Variants in MIIP observed in about 807,000 individuals in gnomAD.
MIIP encodes migration and invasion-inhibitory protein.
A neutral mutation model predicts 44.8 loss-of-function variants in MIIP; 44 were observed. The observed-to-expected ratio is 0.98, with a 90% confidence interval of 0.77 to 1.26. The LOEUF (loss-of-function observed/expected upper bound fraction) is 1.26, where lower values mean the gene tolerates loss of function less well. MIIP is among the 50% of genes most tolerant of loss of function. The pLI is 0.00. For synonymous variants in MIIP, 225 were observed against 218.3 expected (o/e 1.03, Z -0.27); for missense variants, 496 against 511.7 (o/e 0.97, Z 0.30).
chr1:12,025,890 G>T (rs948756169), intron 4 of MIIP, among the ~76,000 whole-genome samples: 1 of 151,848 alleles, frequency 6.6e-6, no homozygotes, highest in Non-Finnish European at 1.5e-5. Context: ...TAGAGACGGG[G>T]TTTCACCATG....
At chr1:12,024,338 C>A (rs543205061) in intron 4 of MIIP, among the ~76,000 whole-genome samples, 1 of 152,306 alleles carries the variant, frequency 6.6e-6, no homozygotes, top group African/African-American at 2.4e-5. Flanking sequence ...TGGCTGGTTT[C>A]CCCCTGGCCT....
chr1:12,020,477 TTAAG>T (rs1433239700), intron 1 of MIIP, among the ~76,000 whole-genome samples: 6 of 152,226 alleles, frequency 3.9e-5, no homozygotes, highest in African/African-American at 9.6e-5. Context: ...AAGCACTGTA[TTAAG>T]TAAGCACTGT....
Position 12,022,301 on chromosome 1 carries a change from C to T in MIIP, c.321C>T (p.Gly107=). The T allele has an allele frequency of 6.2e-7, 1 of 1,613,914 alleles. No homozygotes were observed. Among genetic ancestry groups the T allele is most frequent in the Middle Eastern group, 1.6e-4 (1 of 6,062 alleles). Residue 107 remains glycine, a synonymous_variant, in exon 3 of 10, where the codon GGC becomes GGT. Coordinates refer to ENST00000235332, the MANE Select transcript of MIIP (RefSeq NM_021933.4). ...AATGCCAGCACCAGGAGTCCCTGGG[C>T]CGACCGAGACCCCACTCAGCACCCT... The part of the protein sequence containing the change: ...PAKCQHQESL[G]RPRPHSAPSL...
intron 1 of MIIP, 78 bp downstream of exon 1, chr1:12,019,630 C>CG (rs1639927259): frequency 6.6e-6 from 1 of 152,286 alleles, no homozygotes; most frequent in African/African-American, 2.4e-5. Context: ...GCGAGGGGCT[C>CG]GGGGGCCGCA....
Position 12,031,776 on chromosome 1 carries a change from C to T in MIIP, c.1135C>T (p.Pro379Ser). 2 of 1,614,008 alleles carry T rather than the reference C, an allele frequency of 1.2e-6. No homozygotes were observed. The highest frequency in any genetic ancestry group is 1.7e-6 in the Non-Finnish European group (2 of 1,179,952). Residue 379 changes from proline to serine, a missense_variant, in exon 10 of 10, where the codon CCT becomes TCT. By Grantham distance (74) the Pro-to-Ser change is moderately conservative (BLOSUM62 -1). Transcript: ENST00000235332. ...PTPTWSVPQV[P>S]RPHVPRQKP ...CCCGACCTGGTCAGTGCCCCAGGTC[C>T]CTCGGCCCCACGTCCCACGGCAGAA...
chr1:12,030,268 T>G (rs1028240719), intron 8 of MIIP, 144 bp downstream of exon 8: 8 of 751,454 alleles, frequency 1.1e-5, no homozygotes, highest in Admixed American at 2.3e-5. Context: ...GCCTCTTCCA[T>G]CACCCACACC....
At chr1:12,027,006 C>CTTTTTTTTTTT (rs752323245) in intron 4 of MIIP, among the ~76,000 whole-genome samples, 1 of 129,520 alleles carries the variant, frequency 7.7e-6, no homozygotes. Flanking sequence ...TTTTCTTTTT[C>CTTTTTTTTTTT]TTTTTTTTTT....
chr1:12,021,615 G>T, intron 1 of MIIP, 30 bp from the exon 2 acceptor site: 1 of 887,748 alleles, frequency 1.1e-6, no homozygotes, highest in East Asian at 2.6e-5. Flanking sequence ...GCACCCTACT[G>T]AGCCCCGTGT....
chr1:12,020,489 T>C (rs998779566), intron 1 of MIIP, among the ~76,000 whole-genome samples: 4 of 152,246 alleles, frequency 2.6e-5, no homozygotes, highest in African/African-American at 9.6e-5. Flanking sequence ...AAGTAAGCAC[T>C]GTACTGAGTG....
At chr1:12,029,598 G>C in intron 6 of MIIP, 167 bp from the exon 7 acceptor site, 3 of 984,582 alleles carry the variant, frequency 3.0e-6, no homozygotes, top group Non-Finnish European at 4.5e-6. Context: ...ACCCCTTAGG[G>C]CGTGGGCCCC....
At chr1:12,027,246 G>A (rs1050115755) in intron 4 of MIIP, among the ~76,000 whole-genome samples, 1 of 152,192 alleles carries the variant, frequency 6.6e-6, no homozygotes, top group Non-Finnish European at 1.5e-5. Flanking sequence ...CCGATGTCAA[G>A]TGATCTGCCC....
intron 4 of MIIP, 146 bp from the exon 5 acceptor site, chr1:12,028,887 C>T (rs1482556087): frequency 3.2e-6 from 2 of 634,290 alleles, no homozygotes; most frequent in Non-Finnish European, 5.6e-6. Context: ...ACTGGAGGGG[C>T]CCTCCTGGCC....
intron 9 of MIIP, 153 bp from the exon 10 acceptor site, chr1:12,031,569 C>T (rs1640243514): frequency 6.3e-6 from 10 of 1,593,238 alleles, no homozygotes; most frequent in South Asian, 1.1e-5. Context: ...TGACCCTAGC[C>T]ATCCCTCGGA....
In MIIP at chr1:12,031,265, G is replaced by C. The variant is rs768271694; in HGVS notation, c.943-1G>C. 5 of 1,613,202 alleles carry C rather than the reference G, an allele frequency of 3.1e-6. No individual in the cohort carries two copies. The Admixed American group carries it at 8.3e-5, about 27-fold the overall frequency. On this transcript the variant is annotated splice_acceptor_variant, in intron 8 of 9. Transcript: ENST00000235332. LOFTEE classifies it high-confidence loss of function. ...CACTTTTAACTCCTTGCCTTCCACA[G>C]CACTGCCTGCTGGGCTGGGACATTT...
intron 9 of MIIP, 68 bp from the exon 10 acceptor site, chr1:12,031,654 T>C: frequency 1.2e-6 from 2 of 1,613,656 alleles, no homozygotes; most frequent in Non-Finnish European, 1.7e-6. Context: ...GGAGGGAATG[T>C]GGCTGGAACT....
chr1:12,028,432 C>T (rs1326993380), intron 4 of MIIP, among the ~76,000 whole-genome samples: 1 of 152,162 alleles, frequency 6.6e-6, no homozygotes, highest in African/African-American at 2.4e-5. Flanking sequence ...TGCCTTCCTG[C>T]CACTTTCCCC....
At chr1:12,020,726 C>T (rs1478616561) in intron 1 of MIIP, among the ~76,000 whole-genome samples, 2 of 152,114 alleles carry the variant, frequency 1.3e-5, no homozygotes, top group East Asian at 1.9e-4. Context: ...CCCTGTCGCC[C>T]AGGCTGGAGC....
At chr1:12,031,506 TG>T (rs1159175898) in intron 9 of MIIP, 103 bp downstream of exon 9, 10 of 1,559,648 alleles carry the variant, frequency 6.4e-6, no homozygotes, top group Non-Finnish European at 1.7e-6. Context: ...AGGATTGAGG[TG>T]GGGAGGATGG....
chr1:12,023,674 G>A (rs1438962734), intron 4 of MIIP, among the ~76,000 whole-genome samples: 3 of 148,162 alleles, frequency 2.0e-5, no homozygotes, highest in Non-Finnish European at 3.0e-5. Context: ...CACCATGCCC[G>A]GCTTTTTTTT....
Sources: gnomAD v4.1 joint callset for allele counts (sites outside exome capture counted in the v4.1 genomes callset) on GRCh38, gnomAD v4.1.1 for gene constraint, MANE v1.5 for transcripts, NCBI Gene and HGNC (gene_info 2026-07-23, HGNC 2026-07-21) for gene names.